The following USP4 variants were observed in gnomAD, a reference collection of about 807,000 sequenced individuals.
USP4 encodes the protein ubiquitin carboxyl-terminal hydrolase 4.
A neutral mutation model predicts 118.2 loss-of-function variants in USP4; 72 were observed. That is an observed-to-expected ratio of 0.61 (90% confidence interval 0.50 to 0.74). The LOEUF is 0.74. Among genes scored for constraint, USP4 ranks in the 30% least tolerant of loss-of-function variants. The pLI, the probability that USP4 is intolerant of heterozygous loss-of-function variation, is 0.00. For missense variants in USP4, 1,037 were observed against 1,185.7 expected, an observed-to-expected ratio of 0.87 and a Z score of 1.84; for synonymous variants, 415 against 440.4, an observed-to-expected ratio of 0.94 and a Z score of 0.72.
chr3:49,283,810 C>T (rs1466963567), intron 19 of USP4, among the ~76,000 whole-genome samples, 177 bp downstream of exon 19: 1 of 152,170 alleles, frequency 6.6e-6, no homozygotes, highest in Non-Finnish European at 1.5e-5. Flanking sequence ...GTCTCTTCCC[C>T]AAAGATGGGA....
chr3:49,284,745 A>AAT, intron 17 of USP4, 104 bp downstream of exon 17: 2 of 1,288,530 alleles, frequency 1.6e-6, no homozygotes, highest in Non-Finnish European at 2.2e-6. Flanking sequence ...CTCAGTCTTA[A>AAT]ATATAACTTG....
chr3:49,288,847 C>A (rs75565393), intron 15 of USP4, among the ~76,000 whole-genome samples: 3,033 of 151,284 alleles, frequency 0.02, 40 homozygotes, highest in Middle Eastern at 0.036. Flanking sequence ...CAATGGCTCA[C>A]GCCTATGATC....
Position 49,317,021 on chromosome 3 carries a change from G to C in USP4, c.696-5367C>G. On this transcript the variant is annotated intron_variant, in intron 6 of 21. Coordinates refer to ENST00000265560, the MANE Select transcript of USP4 (RefSeq NM_003363.4). Reference sequence around the variant, plus strand: ...TGCTGCCATGAAGAAGACGCTCTGTGGACAGACTTGCTGGGGCTGAGTTGA... The same window carrying C: ...TGCTGCCATGAAGAAGACGCTCTGTCGACAGACTTGCTGGGGCTGAGTTGA... The C allele has an allele frequency of 2.1e-5, 18 of 842,120 alleles. No homozygotes were observed. In the South Asian group the frequency reaches 2.6e-4, roughly 12 times the overall value. 52.2% of individuals were successfully genotyped at this position (842,120 alleles called of 1,614,324 possible).
At chr3:49,303,570 C>T (rs931549040) in intron 9 of USP4, among the ~76,000 whole-genome samples, 1 of 151,334 alleles carries the variant, frequency 6.6e-6, no homozygotes, top group Admixed American at 6.6e-5. Flanking sequence ...AAATTCAGTT[C>T]CTCGGTCAAA....
rs562432530 is a variant in USP4 at position 49,306,445 on chromosome 3, C to T, written c.955-557G>A. 7.2e-5 allele frequency among the ~76,000 whole-genome samples: 11 copies of T among 152,064 alleles called. No individual in the cohort carries two copies. In the East Asian group the frequency reaches 1.4e-3, roughly 19 times the overall value. The stretch of plus-strand genomic sequence containing the variant: ...CTCAAACTCCTGACCTCAGATGATC[C>T]GCTCACCTTGGCCTCCCAAAGTGCT... On this transcript the variant is annotated intron_variant, in intron 8 of 21. Transcript: ENST00000265560.
intron 4 of USP4, 56 bp downstream of exon 4, chr3:49,325,663 C>T: frequency 6.3e-7 from 1 of 1,593,578 alleles, no homozygotes; most frequent in South Asian, 1.1e-5. Context: ...CTCCCATCAG[C>T]CACAATGTCC....
In USP4 at chr3:49,286,299, G is replaced by C. The variant is rs1472490548; in HGVS notation, c.1999C>G (p.Gln667Glu). The change falls in exon 16 of 22, where the codon CAG becomes GAG. Residue 667 changes from glutamine (Q) to glutamate (E), a missense_variant. Physicochemically the swap from Gln to Glu is conservative, Grantham distance 29. Around this residue, in one of 3 missense-constraint regions of USP4, gnomAD observed 522 missense variants for 592.6 expected, o/e 0.88. Transcript: ENST00000265560. Reference protein sequence around the residue: ...EGEDEEEMEHQEEGKEQLSET... With the variant: ...EGEDEEEMEHEEEGKEQLSET... ...GAAAGCTGCTCTTTGCCTTCTTCCT[G>C]ATGCTCCATTTCTTCCTCATCTTCT... 1.6e-5 allele frequency: 26 copies of C among 1,613,878 alleles called. No homozygotes were observed. Among genetic ancestry groups the C allele is most frequent in the Non-Finnish European group, 2.2e-5 (26 of 1,180,020 alleles).
chr3:49,281,410 C>A lies in USP4; in HGVS notation c.2541-563G>T, dbSNP rs554795193. ...GGTGGAGCTTGCAGTGAGCCAAGAT[C>A]GCACTACTGCAGTCCAGCCTGGGCA... On this transcript the variant is annotated intron_variant, in intron 19 of 21. Coordinates refer to ENST00000265560, the MANE Select transcript of USP4 (RefSeq NM_003363.4). 4.6e-5 allele frequency among the ~76,000 whole-genome samples: 7 copies of A among 151,042 alleles called. No individual in the cohort carries two copies. The East Asian group carries it at 7.8e-4, about 17-fold the overall frequency.
intron 2 of USP4, 93 bp from the exon 3 acceptor site, chr3:49,327,909 T>C: frequency 7.0e-6 from 9 of 1,280,570 alleles, no homozygotes; most frequent in Non-Finnish European, 8.7e-6. Context: ...AATAAGAAAA[T>C]TATTTACAGA....
intron 19 of USP4, 21 bp from the exon 20 acceptor site, chr3:49,280,868 T>C (rs760974104): frequency 8.1e-6 from 13 of 1,607,808 alleles, no homozygotes; most frequent in Non-Finnish European, 1.1e-5. Flanking sequence ...AACACAAAAA[T>C]AGTTATTGAA....
intron 20 of USP4, among the ~76,000 whole-genome samples, chr3:49,280,092 G>A (rs988554845): frequency 2.6e-5 from 4 of 152,016 alleles, no homozygotes; most frequent in Non-Finnish European, 5.9e-5. Flanking sequence ...CCAAAACCCT[G>A]TCTCTACTAA....
intron 15 of USP4, among the ~76,000 whole-genome samples, chr3:49,291,271 C>CCTACTCTTAAAAA (rs1435486163): frequency 6.7e-6 from 1 of 148,518 alleles, no homozygotes; most frequent in Non-Finnish European, 1.5e-5. Flanking sequence ...GCCTCAAGAC[C>CCTACTCTTAAAAA]CTACTCTTAA....
chr3:49,318,348 C>T (rs2107793913), intron 6 of USP4: 3 of 985,548 alleles, frequency 3.0e-6, no homozygotes, highest in Non-Finnish European at 3.6e-6. Context: ...ACTGTGAACA[C>T]CATCTGTAGG....
chr3:49,278,056 C>A lies in USP4; in HGVS notation c.*237G>T, dbSNP rs2046980807. On this transcript the variant is annotated 3_prime_UTR_variant, in exon 22 of 22. Transcript: ENST00000265560. Reference sequence around the variant, plus strand: ...CCATCCCACCCCCTTTTCAGCTTCACAGGTTTCACAGAAATTTCTCACCAC... The same window carrying A: ...CCATCCCACCCCCTTTTCAGCTTCAAAGGTTTCACAGAAATTTCTCACCAC... The A allele has an allele frequency of 3.9e-6, 2 of 516,878 alleles. No homozygotes were observed. Among genetic ancestry groups the A allele is most frequent in the Non-Finnish European group, 3.3e-6 (1 of 301,872 alleles). 32.0% of individuals were successfully genotyped at this position (516,878 alleles called of 1,614,324 possible).
Position 49,280,788 on chromosome 3 carries a change from A to G in USP4, c.2600T>C (p.Leu867Pro). ...NLSARPYVYDLIAVSNHYGAM... is the reference protein window; with the variant it reads ...NLSARPYVYDPIAVSNHYGAM... ...TCCATAATGATTGGACACGGCAATG[A>G]GGTCGTACACATAAGGCCTTGCTGA... Residue 867 changes from leucine to proline, a missense_variant, in exon 20 of 22, where the codon CTC becomes CCC. This residue lies in a region of USP4 where 522 missense variants were observed against 592.6 expected (regional missense o/e 0.88). Coordinates refer to ENST00000265560, the MANE Select transcript of USP4 (RefSeq NM_003363.4). The G allele has an allele frequency of 6.2e-7, 1 of 1,614,180 alleles. No individual in the cohort carries two copies. The highest frequency in any genetic ancestry group is 8.5e-7 in the Non-Finnish European group (1 of 1,180,016).
intron 6 of USP4, chr3:49,317,234 T>C: frequency 1.3e-6 from 2 of 1,535,782 alleles, no homozygotes; most frequent in Non-Finnish European, 1.8e-6. Context: ...TGGTAGAACT[T>C]ACTGCAAGAG....
At chr3:49,326,675 G>A (rs1283568696) in intron 3 of USP4, among the ~76,000 whole-genome samples, 4 of 150,314 alleles carry the variant, frequency 2.7e-5, no homozygotes, top group African/African-American at 4.9e-5. Flanking sequence ...GATTACAGGC[G>A]TGAGCCACCA....
intron 9 of USP4, among the ~76,000 whole-genome samples, chr3:49,304,490 G>C (rs528155660): frequency 3.3e-5 from 5 of 152,230 alleles, no homozygotes; most frequent in Middle Eastern, 3.4e-3. Flanking sequence ...AAGAATGTGA[G>C]CCCAATTCCT....
chr3:49,320,741 T>C, intron 6 of USP4, among the ~76,000 whole-genome samples: 1 of 152,196 alleles, frequency 6.6e-6, no homozygotes, highest in South Asian at 2.1e-4. Flanking sequence ...TTCAGGTTTC[T>C]TTTTTTTCCC....
Sources: allele counts gnomAD v4.1 joint callset (sites outside exome capture counted in the v4.1 genomes callset), GRCh38; gene constraint gnomAD v4.1.1; regional missense constraint gnomAD v4.1.1; transcripts MANE v1.5; gene names NCBI Gene and HGNC (gene_info 2026-07-23, HGNC 2026-07-21).